The following PARD3 variants were observed in gnomAD, a reference collection of about 807,000 sequenced individuals.
PARD3 encodes the protein par-3 family cell polarity regulator.
A neutral mutation model predicts 155.4 loss-of-function variants in PARD3; 75 were observed. The ratio of observed to expected loss-of-function variants is 0.48; its 90% CI spans 0.40 to 0.58. PARD3 has a LOEUF of 0.58. Among genes scored for constraint, PARD3 ranks in the 20% least tolerant of loss-of-function variants. The pLI, the probability that PARD3 is intolerant of heterozygous loss-of-function variation, is 0.00. For missense variants in PARD3, 1,642 were observed against 1,721.7 expected, an observed-to-expected ratio of 0.95 and a Z score of 0.82; for synonymous variants, 576 against 610.5, an observed-to-expected ratio of 0.94 and a Z score of 0.83.
intron 2 of PARD3, among the ~76,000 whole-genome samples, chr10:34,577,149 G>T (rs1271003643): frequency 6.6e-6 from 1 of 152,144 alleles, no homozygotes; most frequent in Non-Finnish European, 1.5e-5. Flanking sequence ...AAAAACAAAG[G>T]AGCAGCTTCG....
chr10:34,413,704 G>A (rs552124863), intron 5 of PARD3, among the ~76,000 whole-genome samples: 1 of 152,044 alleles, frequency 6.6e-6, no homozygotes, highest in Non-Finnish European at 1.5e-5. Flanking sequence ...AATCATTTTG[G>A]CTCTGTTCTC....
chr10:34,674,227 C>T (rs1233658253), intron 2 of PARD3, among the ~76,000 whole-genome samples: 1 of 152,184 alleles, frequency 6.6e-6, no homozygotes, highest in Non-Finnish European at 1.5e-5. Flanking sequence ...AAGACATCCC[C>T]ACCAGCTCGA....
intron 2 of PARD3, among the ~76,000 whole-genome samples, chr10:34,632,595 G>A (rs2092315108): frequency 6.6e-6 from 1 of 152,226 alleles, no homozygotes; most frequent in Non-Finnish European, 1.5e-5. Context: ...TCTGGCATCT[G>A]TACCAGGTAG....
chr10:34,580,554 A>T (rs930060561), intron 2 of PARD3, among the ~76,000 whole-genome samples: 1 of 152,136 alleles, frequency 6.6e-6, no homozygotes, highest in Non-Finnish European at 1.5e-5. Flanking sequence ...ATAAACAAAT[A>T]AATCAAGCTT....
chr10:34,375,056 ACACAC>A, intron 10 of PARD3, 54 bp from the exon 11 acceptor site: 7 of 367,310 alleles, frequency 1.9e-5, no homozygotes, highest in Non-Finnish European at 3.0e-5. Flanking sequence ...ACAGGAAAAC[ACACAC>A]ACACACACAC....
At chr10:34,497,447 T>A (rs1292229530) in intron 3 of PARD3, among the ~76,000 whole-genome samples, 1 of 152,172 alleles carries the variant, frequency 6.6e-6, no homozygotes, top group Non-Finnish European at 1.5e-5. Context: ...GATTTTGGTA[T>A]CTGCAGGAGT....
intron 24 of PARD3, among the ~76,000 whole-genome samples, chr10:34,112,505 T>G (rs892443915): frequency 6.6e-6 from 1 of 152,232 alleles, no homozygotes; most frequent in Non-Finnish European, 1.5e-5. Flanking sequence ...CATGCCCTAA[T>G]TTTTTTGCCT....
At chr10:34,429,223 C>G (rs1409140212) in intron 5 of PARD3, among the ~76,000 whole-genome samples, 4 of 151,794 alleles carry the variant, frequency 2.6e-5, no homozygotes, top group African/African-American at 9.7e-5. Context: ...CCCATGTATG[C>G]TGGATAAAAT....
intron 21 of PARD3, among the ~76,000 whole-genome samples, chr10:34,274,730 A>G (rs1191549017): frequency 6.6e-6 from 1 of 152,176 alleles, no homozygotes; most frequent in Middle Eastern, 3.2e-3. Flanking sequence ...AGAAGGACTC[A>G]GACTGATTTA....
intron 2 of PARD3, among the ~76,000 whole-genome samples, chr10:34,622,827 C>CTTTTTTTTT (rs567045063): frequency 2.6e-5 from 3 of 113,452 alleles, no homozygotes; most frequent in East Asian, 2.6e-4. Flanking sequence ...TTCTTTTTTT[C>CTTTTTTTTT]TTTTTTTTTT....
chr10:34,454,288 T>C (rs1371884322), intron 4 of PARD3, among the ~76,000 whole-genome samples: 3 of 152,270 alleles, frequency 2.0e-5, no homozygotes, highest in South Asian at 2.1e-4. Context: ...TGTGTATCTG[T>C]ATTTATGATG....
chr10:34,203,856 G>A (rs1288127387), intron 22 of PARD3, among the ~76,000 whole-genome samples: 2 of 152,324 alleles, frequency 1.3e-5, no homozygotes, highest in African/African-American at 4.8e-5. Flanking sequence ...ACACACTCAA[G>A]TAATAAAATA....
At chr10:34,363,055 A>T (rs1390462711) in intron 12 of PARD3, among the ~76,000 whole-genome samples, 2 of 152,238 alleles carry the variant, frequency 1.3e-5, no homozygotes, top group African/African-American at 4.8e-5. Flanking sequence ...CCTAAGTCTC[A>T]TCACTCACTA....
At position 34,111,060 on chromosome 10, in the gene PARD3, C is replaced by A. The variant is rs892413666; in HGVS notation, c.*109G>T. The A allele has an allele frequency of 2.4e-6, 3 of 1,250,060 alleles. No homozygotes were observed. The highest frequency in any genetic ancestry group is 2.3e-5 in the Admixed American group (1 of 42,784). The allele number at this position is 1,250,060 out of a possible 1,614,324, so 77.4% of individuals were successfully genotyped here. A position where few individuals can be genotyped will look rare whatever the true frequency, so the allele number is the denominator to read the frequency against. ...CGCTTAAAGGCACTGATACCAACAA[C>A]AGAAATACTCCATAGTACCATCGAG... On this transcript the variant is annotated 3_prime_UTR_variant, in exon 25 of 25. Coordinates refer to ENST00000374788, the MANE Select transcript of PARD3 (RefSeq NM_001184785.2).
chr10:34,295,966 G>A (rs998200134), intron 20 of PARD3, among the ~76,000 whole-genome samples: 13 of 152,124 alleles, frequency 8.5e-5, no homozygotes, highest in Admixed American at 3.3e-4. Context: ...TGAAGAACGC[G>A]GAAAGAAGGA....
At chr10:34,241,804 C>T (rs549141028) in intron 22 of PARD3, among the ~76,000 whole-genome samples, 2 of 152,284 alleles carry the variant, frequency 1.3e-5, no homozygotes, top group Admixed American at 6.5e-5. Flanking sequence ...AAGTCCCAGA[C>T]CACAGCATTC....
chr10:34,758,325 A>G (rs1210019235), intron 1 of PARD3, among the ~76,000 whole-genome samples: 3 of 152,216 alleles, frequency 2.0e-5, no homozygotes, highest in African/African-American at 7.2e-5. Context: ...GAAAGGTAGT[A>G]TGCTCCCCAT....
chr10:34,367,053 C>A (rs1454242798), intron 12 of PARD3, among the ~76,000 whole-genome samples: 1 of 152,100 alleles, frequency 6.6e-6, no homozygotes, highest in African/African-American at 2.4e-5. Context: ...AAATGTTTTG[C>A]ACAATTATTA....
At chr10:34,145,155 T>C (rs1481445893) in intron 22 of PARD3, among the ~76,000 whole-genome samples, 1 of 146,006 alleles carries the variant, frequency 6.8e-6, no homozygotes, top group African/African-American at 2.6e-5. Flanking sequence ...TCTGATTATA[T>C]TCTGATTCTC....
Sources: allele counts gnomAD v4.1 joint callset (sites outside exome capture counted in the v4.1 genomes callset), GRCh38; gene constraint gnomAD v4.1.1; transcripts MANE v1.5; gene names NCBI Gene and HGNC (gene_info 2026-07-23, HGNC 2026-07-21).